Variants in KCND2 observed in about 807,000 individuals in gnomAD.
The protein encoded by KCND2 is potassium voltage-gated channel subfamily D member 2, also known as A-type voltage-gated potassium channel KCND2.
Under a neutral mutation model 54.4 loss-of-function variants are expected in KCND2, and 16 were observed. The ratio of observed to expected loss-of-function variants is 0.29; its 90% CI spans 0.20 to 0.45. KCND2 has a LOEUF of 0.45. Among genes scored for constraint, KCND2 ranks in the 20% least tolerant of loss-of-function variants. KCND2 has a pLI of 1.00. For synonymous variants in KCND2, 317 were observed against 310.7 expected (o/e 1.02, Z -0.21); for missense variants, 486 against 824.2 (o/e 0.59, Z 5.02).
At position 120,376,357 on chromosome 7, in the gene KCND2, A is replaced by C. The variant is rs146975579; in HGVS notation, c.1115+100610A>C. On this transcript the variant is annotated intron_variant, in intron 1 of 5. Transcript: ENST00000331113. ...GTCTTCTGCCAACTTTTAAAGAACT[A>C]ATTTTGGATTTTCTTTGAATTAGGT... 6.4e-3 allele frequency among the ~76,000 whole-genome samples: 978 copies of C among 151,658 alleles called. 16 individuals carry two copies. Among genetic ancestry groups the C allele is most frequent in the African/African-American group, 0.023 (940 of 41,490 alleles).
intron 1 of KCND2, among the ~76,000 whole-genome samples, chr7:120,325,477 C>T (rs1799960923): frequency 6.6e-6 from 1 of 151,304 alleles, no homozygotes; most frequent in Admixed American, 6.6e-5. Flanking sequence ...TATGTCCCAT[C>T]AATACCTAAT....
intron 1 of KCND2, among the ~76,000 whole-genome samples, chr7:120,367,054 G>C (rs1306050428): frequency 6.6e-6 from 1 of 152,040 alleles, no homozygotes; most frequent in Non-Finnish European, 1.5e-5. Context: ...GTGTAGGTTT[G>C]CCGCTATTGC....
At chr7:120,700,898 A>G (rs1792392502) in intron 1 of KCND2, among the ~76,000 whole-genome samples, 1 of 152,136 alleles carries the variant, frequency 6.6e-6, no homozygotes, top group South Asian at 2.1e-4. Flanking sequence ...AAAAAGATAG[A>G]AGTATATTTG....
intron 1 of KCND2, among the ~76,000 whole-genome samples, chr7:120,715,638 C>T (rs1021638048): frequency 2.6e-5 from 4 of 152,212 alleles, no homozygotes; most frequent in African/African-American, 9.6e-5. Flanking sequence ...AGAAATTATT[C>T]AACCTAGCCA....
chr7:120,661,250 C>T (rs1791861705), intron 1 of KCND2, among the ~76,000 whole-genome samples: 1 of 149,604 alleles, frequency 6.7e-6, no homozygotes, highest in Admixed American at 6.6e-5. Flanking sequence ...AGCAGTTGAA[C>T]TGTTATTTTT....
intron 1 of KCND2, among the ~76,000 whole-genome samples, chr7:120,276,993 G>A (rs1480779733): frequency 6.6e-6 from 1 of 151,974 alleles, no homozygotes; most frequent in Non-Finnish European, 1.5e-5. Context: ...TGTGTTTTTG[G>A]ATAATTTAAT....
chr7:120,435,441 C>A (rs1351456231), intron 1 of KCND2, among the ~76,000 whole-genome samples: 1 of 151,854 alleles, frequency 6.6e-6, no homozygotes, highest in Non-Finnish European at 1.5e-5. Context: ...AGACAAGCTA[C>A]CTCCATTCTT....
At chr7:120,622,689 ACTCTCTCTCTCTCT>A (rs751909741) in intron 1 of KCND2, among the ~76,000 whole-genome samples, 1 of 125,946 alleles carries the variant, frequency 7.9e-6, no homozygotes, top group African/African-American at 3.2e-5. Context: ...ACACACACAC[ACTCTCTCTCTCTCT>A]CTCTCTCTCT....
intron 1 of KCND2, among the ~76,000 whole-genome samples, chr7:120,438,560 C>T (rs1399257784): frequency 6.6e-6 from 1 of 152,086 alleles, no homozygotes; most frequent in Non-Finnish European, 1.5e-5. Flanking sequence ...TAAATATCAC[C>T]TTCAGAAAAT....
At chr7:120,415,345 G>A (rs1284166701) in intron 1 of KCND2, among the ~76,000 whole-genome samples, 1 of 152,242 alleles carries the variant, frequency 6.6e-6, no homozygotes, top group African/African-American at 2.4e-5. Context: ...GACAAATAAA[G>A]TTACAGGGAG....
chr7:120,688,838 T>C (rs1017949354), intron 1 of KCND2, among the ~76,000 whole-genome samples: 2 of 152,222 alleles, frequency 1.3e-5, no homozygotes, highest in Non-Finnish European at 2.9e-5. Context: ...CTTTTGTCTG[T>C]ATTTCCCAGT....
intron 2 of KCND2, among the ~76,000 whole-genome samples, chr7:120,739,246 T>C (rs530947273): frequency 6.6e-6 from 1 of 151,240 alleles, no homozygotes; most frequent in Non-Finnish European, 1.5e-5. Flanking sequence ...GAGGGAGGAG[T>C]TGGGAGTCAG....
chr7:120,743,528 G>A (rs902201344), intron 4 of KCND2, among the ~76,000 whole-genome samples: 7 of 152,160 alleles, frequency 4.6e-5, no homozygotes, highest in African/African-American at 4.8e-5. Flanking sequence ...CAGCGAACAT[G>A]GAAAGCAACA....
At chr7:120,642,626 A>C (rs1352417831) in intron 1 of KCND2, among the ~76,000 whole-genome samples, 2 of 151,386 alleles carry the variant, frequency 1.3e-5, no homozygotes, top group African/African-American at 2.4e-5. Context: ...AGGATGTTTC[A>C]GATAGTTTAA....
chr7:120,369,443 G>A (rs1421167030), intron 1 of KCND2, among the ~76,000 whole-genome samples: 1 of 151,970 alleles, frequency 6.6e-6, no homozygotes, highest in Non-Finnish European at 1.5e-5. Flanking sequence ...TTATTAATCA[G>A]TTTCCTTCAG....
chr7:120,324,826 AT>A (rs1377881096), intron 1 of KCND2, among the ~76,000 whole-genome samples: 1 of 150,444 alleles, frequency 6.6e-6, no homozygotes, highest in Non-Finnish European at 1.5e-5. Flanking sequence ...GTTTTTTCCA[AT>A]TCTGTGAAGA....
At chr7:120,403,910 T>G (rs889127027) in intron 1 of KCND2, among the ~76,000 whole-genome samples, 1 of 152,122 alleles carries the variant, frequency 6.6e-6, no homozygotes, top group African/African-American at 2.4e-5. Flanking sequence ...AATCTCAAGG[T>G]ATTTTTGCAC....
At chr7:120,428,578 A>G (rs1194597804) in intron 1 of KCND2, among the ~76,000 whole-genome samples, 3 of 152,182 alleles carry the variant, frequency 2.0e-5, no homozygotes, top group Non-Finnish European at 2.9e-5. Flanking sequence ...ATGGCAAAAG[A>G]CTGAAGAATT....
chr7:120,393,146 T>G (rs1222272494), intron 1 of KCND2, among the ~76,000 whole-genome samples: 1 of 152,020 alleles, frequency 6.6e-6, no homozygotes, highest in African/African-American at 2.4e-5. Context: ...TTGAGTTTGT[T>G]TTTTTATCCA....
Sources: gnomAD v4.1 joint callset for allele counts (sites outside exome capture counted in the v4.1 genomes callset) on GRCh38, gnomAD v4.1.1 for gene constraint, MANE v1.5 for transcripts, NCBI Gene and HGNC (gene_info 2026-07-23, HGNC 2026-07-21) for gene names.